Variants in FAT3 observed in about 807,000 individuals in gnomAD.
The protein encoded by FAT3 is protocadherin Fat 3.
Under a neutral mutation model 310.2 loss-of-function variants are expected in FAT3, and 95 were observed. The observed-to-expected ratio is 0.31, with a 90% confidence interval of 0.26 to 0.36. FAT3 has a LOEUF of 0.36. Ranked by LOEUF, FAT3 falls within the 10% of genes least tolerant of loss-of-function variation. The pLI is 1.00. For synonymous variants in FAT3, 2,314 were observed against 2,192.9 expected (o/e 1.06, Z -1.54); for missense variants, 5,408 against 5,715.6 (o/e 0.95, Z 1.74).
At chr11:92,433,595 A>G (rs1385479311) in intron 2 of FAT3, among the ~76,000 whole-genome samples, 1 of 152,182 alleles carries the variant, frequency 6.6e-6, no homozygotes, top group Non-Finnish European at 1.5e-5. Flanking sequence ...GAGATGAGCC[A>G]AATACCTCAG....
chr11:92,486,075 A>G (rs1390086242), intron 2 of FAT3, among the ~76,000 whole-genome samples: 2 of 140,350 alleles, frequency 1.4e-5, no homozygotes, highest in East Asian at 4.5e-4. Flanking sequence ...AATATGAATA[A>G]TTTCCATGAA....
At chr11:92,784,203 C>G (rs1946830319) in intron 7 of FAT3, among the ~76,000 whole-genome samples, 1 of 152,072 alleles carries the variant, frequency 6.6e-6, no homozygotes, top group Non-Finnish European at 1.5e-5. Flanking sequence ...ATAATAAAGT[C>G]TAGGAAATGA....
chr11:92,530,097 G>A (rs1431413755), intron 3 of FAT3, among the ~76,000 whole-genome samples: 1 of 152,088 alleles, frequency 6.6e-6, no homozygotes, highest in Non-Finnish European at 1.5e-5. Context: ...AATATTGGAT[G>A]TCTTTAGTTT....
chr11:92,721,054 A>G (rs1004727282), intron 4 of FAT3, among the ~76,000 whole-genome samples: 1 of 152,174 alleles, frequency 6.6e-6, no homozygotes, highest in African/African-American at 2.4e-5. Context: ...TATTAAGCCC[A>G]GCAGCCATCA....
intron 13 of FAT3, among the ~76,000 whole-genome samples, chr11:92,815,868 C>T (rs1947813055): frequency 6.6e-6 from 1 of 152,184 alleles, no homozygotes; most frequent in Non-Finnish European, 1.5e-5. Context: ...TCGTGACAGT[C>T]TTGCCTTCAA....
At chr11:92,545,964 C>A (rs765680464) in intron 3 of FAT3, among the ~76,000 whole-genome samples, 1 of 152,188 alleles carries the variant, frequency 6.6e-6, no homozygotes, top group Non-Finnish European at 1.5e-5. Flanking sequence ...TGGAAACATT[C>A]ACAGCTCTAC....
Position 92,769,129 on chromosome 11 carries a change from C to T in FAT3, c.4195+4040C>T, listed in dbSNP as rs1013862946. Among the ~76,000 whole-genome samples the T allele has an allele frequency of 3.3e-5, 5 of 152,262 alleles. No individual in the cohort carries two copies. In the South Asian group the frequency reaches 1.0e-3, roughly 32 times the overall value. On this transcript the variant is annotated intron_variant, in intron 6 of 27. Coordinates refer to ENST00000525166, the MANE Select transcript of FAT3 (RefSeq NM_001367949.2). ...AGCAAGATTTTGTTCCAAGCCTGGA[C>T]CCTTGCATCGAGGATCTGTCACACA... is the stretch of plus-strand genomic sequence containing the variant.
At chr11:92,259,425 A>G (rs1014710313) in intron 1 of FAT3, among the ~76,000 whole-genome samples, 1 of 152,150 alleles carries the variant, frequency 6.6e-6, no homozygotes, top group Non-Finnish European at 1.5e-5. Flanking sequence ...TGAGCAGCAC[A>G]TACATTGGCC....
chr11:92,631,452 G>C (rs1184341099), intron 3 of FAT3, among the ~76,000 whole-genome samples: 1 of 152,094 alleles, frequency 6.6e-6, no homozygotes, highest in East Asian at 1.9e-4. Context: ...TTGGATCATG[G>C]GGGTGGTTTT....
At chr11:92,715,103 T>G (rs1944638894) in intron 4 of FAT3, among the ~76,000 whole-genome samples, 1 of 152,002 alleles carries the variant, frequency 6.6e-6, no homozygotes, top group Admixed American at 6.6e-5. Context: ...ATAAATGTTC[T>G]GGGAATATTA....
At chr11:92,575,704 G>A (rs548549916) in intron 3 of FAT3, among the ~76,000 whole-genome samples, 5 of 152,214 alleles carry the variant, frequency 3.3e-5, no homozygotes, top group Non-Finnish European at 5.9e-5. Context: ...AAGTGATAAC[G>A]TGAATAAATA....
chr11:92,836,496 G>T, intron 15 of FAT3, 70 bp from the exon 16 acceptor site: 1 of 1,568,070 alleles, frequency 6.4e-7, no homozygotes, highest in South Asian at 1.2e-5. Context: ...AAACAGACCT[G>T]GGACCCTAAG....
At position 92,353,383 on chromosome 11, in the gene FAT3, C is replaced by T; in HGVS notation, c.1271C>T (p.Pro424Leu). ...GEDAVYFKIN[P>L]RSGLIVTARP... is the part of the protein sequence containing the mutation. ...GATGCAGTGTACTTTAAAATTAATC[C>T]TCGGTCGGGTCTGATTGTTACAGCA... is the stretch of plus-strand genomic sequence containing the variant. The change falls in exon 2 of 28, where the codon CCT (proline) becomes CTT (leucine). Residue 424 changes from proline (P) to leucine (L), a missense_variant. Around this residue, in one of 5 missense-constraint regions of FAT3, gnomAD observed 4,588 missense variants for 4,809.8 expected, o/e 0.95. Coordinates refer to ENST00000525166, the MANE Select transcript of FAT3 (RefSeq NM_001367949.2). The T allele has an allele frequency of 1.2e-6, 2 of 1,613,278 alleles. No individual in the cohort carries two copies. Among genetic ancestry groups the T allele is most frequent in the Non-Finnish European group, 1.7e-6 (2 of 1,179,690 alleles).
chr11:92,285,778 T>A (rs1946547128), intron 1 of FAT3, among the ~76,000 whole-genome samples: 1 of 152,200 alleles, frequency 6.6e-6, no homozygotes, highest in African/African-American at 2.4e-5. Flanking sequence ...GTGCCAAAAT[T>A]AAGAAGAAGT....
intron 1 of FAT3, among the ~76,000 whole-genome samples, chr11:92,264,247 C>T (rs1028167199): frequency 6.6e-6 from 1 of 152,116 alleles, no homozygotes; most frequent in Admixed American, 6.6e-5. Flanking sequence ...AACACTGATA[C>T]TAACAATTAC....
chr11:92,483,158 A>G (rs764910018), intron 2 of FAT3, among the ~76,000 whole-genome samples: 42 of 152,184 alleles, frequency 2.8e-4, no homozygotes, highest in Non-Finnish European at 5.7e-4. Context: ...GGACAAGCTA[A>G]GTGAACTAGA....
intron 3 of FAT3, among the ~76,000 whole-genome samples, chr11:92,598,209 T>C (rs972972459): frequency 8.3e-5 from 10 of 120,644 alleles, no homozygotes; most frequent in African/African-American, 3.1e-4. Context: ...TAAATATATA[T>C]GTATACATAT....
intron 2 of FAT3, among the ~76,000 whole-genome samples, chr11:92,366,013 A>G (rs1349291340): frequency 2.0e-5 from 3 of 152,178 alleles, no homozygotes; most frequent in Non-Finnish European, 4.4e-5. Context: ...GGGGTGAGGG[A>G]GGAAGGAGTT....
At chr11:92,622,694 C>T (rs1428798203) in intron 3 of FAT3, among the ~76,000 whole-genome samples, 1 of 152,142 alleles carries the variant, frequency 6.6e-6, no homozygotes, top group African/African-American at 2.4e-5. Flanking sequence ...TAGTGGAAAA[C>T]CAGCTAAAAG....
Sources: gnomAD v4.1 joint callset for allele counts (sites outside exome capture counted in the v4.1 genomes callset) on GRCh38, gnomAD v4.1.1 for gene constraint, gnomAD v4.1.1 regional missense constraint, MANE v1.5 for transcripts, NCBI Gene and HGNC (gene_info 2026-07-23, HGNC 2026-07-21) for gene names.